The following ATP2A2 variants were observed in gnomAD, a reference collection of about 807,000 sequenced individuals.
The protein encoded by ATP2A2 is ATPase sarcoplasmic/endoplasmic reticulum Ca2+ transporting 2.
ATP2A2 carries 14 observed loss-of-function variants against 109.3 expected under a neutral mutation model. The ratio of observed to expected loss-of-function variants is 0.13; its 90% CI spans 0.08 to 0.20. ATP2A2 has a LOEUF of 0.20. Among genes scored for constraint, ATP2A2 ranks in the 10% least tolerant of loss-of-function variants. ATP2A2 has a pLI of 1.00. For synonymous variants in ATP2A2, 506 were observed against 490.9 expected (o/e 1.03, Z -0.41); for missense variants, 657 against 1,321.6 (o/e 0.50, Z 7.80).
intron 5 of ATP2A2, among the ~76,000 whole-genome samples, chr12:110,312,565 A>G (rs755360511): frequency 2.6e-5 from 4 of 152,060 alleles, no homozygotes; most frequent in Admixed American, 6.6e-5. Flanking sequence ...AAACTGAAGT[A>G]CAGGCCGGGC....
intron 11 of ATP2A2, among the ~76,000 whole-genome samples, chr12:110,334,708 C>T (rs908994694): frequency 1.3e-5 from 2 of 151,796 alleles, no homozygotes; most frequent in African/African-American, 4.8e-5. Context: ...CTGCCTTAGC[C>T]TCCCTAGTAG....
chr12:110,307,485 C>A (rs760085952), intron 5 of ATP2A2, among the ~76,000 whole-genome samples: 9 of 152,030 alleles, frequency 5.9e-5, no homozygotes, highest in Non-Finnish European at 1.3e-4. Context: ...CCTCCCACCT[C>A]AGCTTCCCAA....
At chr12:110,293,824 A>G (rs952888172) in intron 4 of ATP2A2, among the ~76,000 whole-genome samples, 8 of 126,430 alleles carry the variant, frequency 6.3e-5, no homozygotes, top group Middle Eastern at 8.2e-3. Flanking sequence ...TGTGCCATAT[A>G]TATGTGTGTG....
At position 110,350,351 on chromosome 12, in the gene ATP2A2, G is replaced by A. The variant is rs1157386071; in HGVS notation, c.*3881G>A. The A allele has an allele frequency of 5.6e-6, 9 of 1,613,958 alleles. No individual in the cohort carries two copies. Among genetic ancestry groups the A allele is most frequent in the East Asian group, 2.2e-5 (1 of 44,898 alleles). Reference sequence around the variant, plus strand: ...CAGAAATGTAAGGGTGTTCGGTTGCGTGCATGTGCGTTTTTAGCAACACAT... The same window carrying A: ...CAGAAATGTAAGGGTGTTCGGTTGCATGCATGTGCGTTTTTAGCAACACAT... On this transcript the variant is annotated 3_prime_UTR_variant, in exon 20 of 20. Transcript: ENST00000539276.
intron 5 of ATP2A2, among the ~76,000 whole-genome samples, chr12:110,306,399 G>A (rs773692430): frequency 2.6e-5 from 4 of 152,128 alleles, no homozygotes; most frequent in Admixed American, 6.6e-5. Context: ...GGTTTGTTAT[G>A]TGGATTTAAT....
At chr12:110,290,209 T>C (rs1176626620) in intron 3 of ATP2A2, among the ~76,000 whole-genome samples, 1 of 152,242 alleles carries the variant, frequency 6.6e-6, no homozygotes, top group African/African-American at 2.4e-5. Context: ...GTTTTTTGTT[T>C]CTTTTATAGA....
At chr12:110,293,077 G>T (rs1286842219) in intron 4 of ATP2A2, among the ~76,000 whole-genome samples, 1 of 151,996 alleles carries the variant, frequency 6.6e-6, no homozygotes, top group Non-Finnish European at 1.5e-5. Context: ...GACTGAAGTA[G>T]ACCTTTTTTT....
chr12:110,313,112 G>T (rs577746663), intron 5 of ATP2A2, among the ~76,000 whole-genome samples: 7 of 152,208 alleles, frequency 4.6e-5, no homozygotes, highest in African/African-American at 1.7e-4. Flanking sequence ...GACCATGATA[G>T]GCCAGTTGAT....
At position 110,348,680 on chromosome 12, in the gene ATP2A2, G is replaced by A. The variant is rs1188809248; in HGVS notation, c.*2210G>A. The A allele has an allele frequency of 3.0e-6, 3 of 985,388 alleles. No homozygotes were observed. Among genetic ancestry groups the A allele is most frequent in the East Asian group, 2.3e-4 (2 of 8,804 alleles). 61.0% of individuals were successfully genotyped at this position (985,388 alleles called of 1,614,324 possible). On this transcript the variant is annotated 3_prime_UTR_variant, in exon 20 of 20. Transcript: ENST00000539276. ...GAGCCCAGGTACTCAAACCAGCCTG[G>A]GCAACAGAGTGAGGCCCTGTCAAAA...
intron 3 of ATP2A2, among the ~76,000 whole-genome samples, chr12:110,291,154 C>T (rs898172145): frequency 6.6e-5 from 10 of 151,356 alleles, no homozygotes; most frequent in South Asian, 4.2e-4. Flanking sequence ...GTGATCCCCC[C>T]GCCTTGGCCT....
intron 5 of ATP2A2, among the ~76,000 whole-genome samples, chr12:110,308,193 C>T (rs900600034): frequency 1.3e-5 from 2 of 152,118 alleles, no homozygotes; most frequent in Non-Finnish European, 2.9e-5. Context: ...AATGTTTTTA[C>T]TTCTTTCTAG....
At position 110,349,390 on chromosome 12, in the gene ATP2A2, A is replaced by G; in HGVS notation, c.*2920A>G. 2 of 985,514 alleles carry G rather than the reference A, an allele frequency of 2.0e-6. No homozygotes were observed. The highest frequency in any genetic ancestry group is 9.4e-5 in the South Asian group (2 of 21,282). The allele number at this position is 985,514 out of a possible 1,614,324, so 61.0% of individuals were successfully genotyped here. ...GCAGGTGGCTGAAGGCCCAGCCATC[A>G]GTGTCGCTTGTTGCCACCCCGTGCC... On this transcript the variant is annotated 3_prime_UTR_variant, in exon 20 of 20. Coordinates refer to ENST00000539276, the MANE Select transcript of ATP2A2 (RefSeq NM_170665.4).
At chr12:110,324,939 C>A (rs1877628235) in intron 6 of ATP2A2, among the ~76,000 whole-genome samples, 1 of 151,500 alleles carries the variant, frequency 6.6e-6, no homozygotes, top group African/African-American at 2.4e-5. Context: ...GCCTCAGCCT[C>A]CCTAGTAGCT....
At chr12:110,319,223 G>GAAAAAAAAAAAAAAA (rs59623372) in intron 5 of ATP2A2, among the ~76,000 whole-genome samples, 439 of 63,074 alleles carry the variant, frequency 7.0e-3, no homozygotes, top group Middle Eastern at 0.04. Flanking sequence ...AATAAAAAAT[G>GAAAAAAAAAAAAAAA]AAAAAAAAAA....
chr12:110,307,844 T>C (rs537686609), intron 5 of ATP2A2, among the ~76,000 whole-genome samples: 1 of 152,344 alleles, frequency 6.6e-6, no homozygotes, highest in South Asian at 2.1e-4. Flanking sequence ...AGAAACTCTT[T>C]CGTTTAACTA....
chr12:110,298,515 C>G (rs539626681), intron 5 of ATP2A2, among the ~76,000 whole-genome samples: 5 of 152,046 alleles, frequency 3.3e-5, no homozygotes, highest in Admixed American at 6.6e-5. Flanking sequence ...GTCAAGAGAT[C>G]GAAACTATCC....
intron 11 of ATP2A2, among the ~76,000 whole-genome samples, chr12:110,334,590 T>C (rs533445044): frequency 5.5e-5 from 8 of 146,132 alleles, no homozygotes; most frequent in African/African-American, 1.8e-4. Flanking sequence ...TTAAACCTTT[T>C]TTTTTTTTTT....
At chr12:110,343,111 A>G in intron 15 of ATP2A2, 121 bp from the exon 16 acceptor site, 1 of 1,037,220 alleles carries the variant, frequency 9.6e-7, no homozygotes, top group Non-Finnish European at 1.5e-6. Flanking sequence ...TAAGTATTTT[A>G]CAGATTACCT....
chr12:110,281,950 G>C (rs1435755975), intron 1 of ATP2A2, 43 bp downstream of exon 1: 1 of 1,491,296 alleles, frequency 6.7e-7, no homozygotes, highest in African/African-American at 1.4e-5. Context: ...GCGCGGCCGG[G>C]AGAGCCAGGG....
Sources: gnomAD v4.1 joint callset for allele counts (sites outside exome capture counted in the v4.1 genomes callset) on GRCh38, gnomAD v4.1.1 for gene constraint, MANE v1.5 for transcripts, NCBI Gene and HGNC (gene_info 2026-07-23, HGNC 2026-07-21) for gene names.